The following ZNF136 variants were observed in gnomAD, a reference collection of about 807,000 sequenced individuals.
ZNF136 encodes the protein zinc finger protein 136 (clone pHZ-20).
A neutral mutation model predicts 11.4 loss-of-function variants in ZNF136; 8 were observed. That is an observed-to-expected ratio of 0.70 (90% confidence interval 0.41 to 1.27). The LOEUF is 1.27. Ranked by LOEUF, ZNF136 falls within the 50% of genes most tolerant of loss-of-function variation. ZNF136 has a pLI of 0.01. For synonymous variants in ZNF136, 190 were observed against 207.1 expected, an observed-to-expected ratio of 0.92 and a Z score of 0.71; for missense variants, 590 against 656.5, an observed-to-expected ratio of 0.90 and a Z score of 1.11.
Position 12,187,960 on chromosome 19 carries a change from G to A in ZNF136, c.1582G>A (p.Glu528Lys), listed in dbSNP as rs1915161924. The A allele has an allele frequency of 6.5e-7, 1 of 1,545,336 alleles. No individual in the cohort carries two copies. The highest frequency in any genetic ancestry group is 1.4e-5 in the African/African-American group (1 of 72,232). ...SFQRHMLTHA[E>K]DGPPYKCMWE... ...TCAGAGACACATGTTAACACATGCT[G>A]AAGATGGACCACCTTATAAATGCAT... The change falls in exon 4 of 4, where the codon GAA (glutamate) becomes AAA (lysine). Residue 528 changes from glutamate to lysine, a missense_variant. Glu to Lys is a moderately conservative substitution (Grantham distance 56, BLOSUM62 1). Transcript: ENST00000343979.
chr19:12,187,811 G>A lies in ZNF136; in HGVS notation c.1433G>A (p.Cys478Tyr). The A allele has an allele frequency of 1.9e-6, 3 of 1,607,378 alleles. No individual in the cohort carries two copies. The highest frequency in any genetic ancestry group is 2.5e-6 in the Non-Finnish European group (3 of 1,177,618). The part of the protein sequence containing the change: ...MIHTGEKPFE[C>Y]KRCGKAFRSS... The stretch of plus-strand genomic sequence containing the variant: ...CACACTGGTGAGAAACCCTTTGAAT[G>A]TAAGCGATGTGGTAAAGCCTTTAGA... The change falls in exon 4 of 4, where the codon TGT becomes TAT. Residue 478 changes from cysteine (C) to tyrosine (Y), a missense_variant. Coordinates refer to ENST00000343979, the MANE Select transcript of ZNF136 (RefSeq NM_003437.5).
intron 1 of ZNF136, among the ~76,000 whole-genome samples, chr19:12,167,309 A>G (rs1184518792): frequency 6.6e-6 from 1 of 152,260 alleles, no homozygotes; most frequent in East Asian, 1.9e-4. Context: ...AGAGTCATGA[A>G]GCCAAATCTT....
In ZNF136 at chr19:12,189,344, TTTCTTTC is replaced by T. The variant is rs1915197704; in HGVS notation, c.*1350_*1356del. 1 of 152,308 alleles carries T rather than the reference TTTCTTTC, an allele frequency of 6.6e-6. No homozygotes were observed. Among genetic ancestry groups the T allele is most frequent in the Non-Finnish European group, 1.5e-5 (1 of 68,058 alleles). The allele number at this position is 152,308 out of a possible 1,614,324, so 9.4% of individuals were successfully genotyped here. A position where few individuals can be genotyped will look rare whatever the true frequency, so the allele number is the denominator to read the frequency against. On this transcript the variant is annotated 3_prime_UTR_variant, in exon 4 of 4. Transcript: ENST00000343979. Reference sequence around the variant, plus strand: ...GCTCCTTTTTTTTCCTTTTTTCTTTTTTCTTTCTTCTTTTTTCTTTTTGAGACAGGGT... The same window carrying T: ...GCTCCTTTTTTTTCCTTTTTTCTTTTTTCTTTTTTCTTTTTGAGACAGGGT...
intron 1 of ZNF136, among the ~76,000 whole-genome samples, chr19:12,168,766 C>T (rs535335728): frequency 6.6e-6 from 1 of 152,140 alleles, no homozygotes; most frequent in South Asian, 2.1e-4. Context: ...ACCTCCACCT[C>T]CCGGGTTCAA....
chr19:12,181,856 C>T (rs189328343), intron 1 of ZNF136, among the ~76,000 whole-genome samples: 1,718 of 152,170 alleles, frequency 0.011, 14 homozygotes, highest in Middle Eastern at 0.017. Flanking sequence ...AGGATGGTTT[C>T]GATCTCCTGA....
chr19:12,180,383 T>G (rs780875806), intron 1 of ZNF136, among the ~76,000 whole-genome samples: 9 of 152,178 alleles, frequency 5.9e-5, no homozygotes, highest in Non-Finnish European at 1.0e-4. Context: ...GCACAAATGA[T>G]GCAGGCACTG....
intron 1 of ZNF136, 83 bp from the exon 2 acceptor site, chr19:12,185,702 G>A: frequency 6.5e-7 from 1 of 1,529,386 alleles, no homozygotes; most frequent in Non-Finnish European, 8.8e-7. Context: ...CCTGAAACAT[G>A]TGAACTTCTT....
intron 1 of ZNF136, among the ~76,000 whole-genome samples, chr19:12,182,792 G>A (rs1206073218): frequency 6.6e-6 from 1 of 152,082 alleles, no homozygotes; most frequent in Non-Finnish European, 1.5e-5. Flanking sequence ...AAGGGTCGGT[G>A]AGCAGCACTT....
chr19:12,169,911 C>T (rs1914601515), intron 1 of ZNF136, among the ~76,000 whole-genome samples: 1 of 152,144 alleles, frequency 6.6e-6, no homozygotes, highest in Non-Finnish European at 1.5e-5. Context: ...TCTCCTGCCT[C>T]AGCCTCCCAA....
At chr19:12,171,953 A>T (rs6511768) in intron 1 of ZNF136, among the ~76,000 whole-genome samples, 2,208 of 151,664 alleles carry the variant, frequency 0.015, 49 homozygotes, top group African/African-American at 0.051. Context: ...TTAAAATTTT[A>T]AAATTTTTTA....
At chr19:12,186,288 G>A (rs1915081209) in intron 3 of ZNF136, 114 bp downstream of exon 3, 1 of 1,169,714 alleles carries the variant, frequency 8.5e-7, no homozygotes, top group East Asian at 2.6e-5. Context: ...TTTATTTTTT[G>A]AATATTTTCC....
chr19:12,174,065 C>A (rs1320412671), intron 1 of ZNF136, among the ~76,000 whole-genome samples: 2 of 152,150 alleles, frequency 1.3e-5, no homozygotes, highest in Non-Finnish European at 2.9e-5. Flanking sequence ...ACTACCACAC[C>A]TGGCTACTTT....
intron 1 of ZNF136, among the ~76,000 whole-genome samples, chr19:12,180,788 G>C (rs190998452): frequency 1.3e-5 from 2 of 152,324 alleles, no homozygotes; most frequent in East Asian, 3.9e-4. Context: ...TTTTGCATTG[G>C]TTAAAAATTT....
chr19:12,171,146 A>AT (rs967828942), intron 1 of ZNF136, among the ~76,000 whole-genome samples: 73 of 151,186 alleles, frequency 4.8e-4, no homozygotes, highest in Non-Finnish European at 8.0e-4. Flanking sequence ...CACCCAGCTA[A>AT]TTTTTTTTAT....
intron 1 of ZNF136, among the ~76,000 whole-genome samples, chr19:12,164,467 C>T (rs562136053): frequency 8.5e-6 from 1 of 117,054 alleles, no homozygotes; most frequent in Admixed American, 9.8e-5. Flanking sequence ...TTTTTTGAGA[C>T]GGAGTCTCTC....
rs775484982 is a variant in ZNF136, at chr19:12,187,180, C to G, written c.802C>G (p.Gln268Glu). The G allele has an allele frequency of 6.2e-7, 1 of 1,613,804 alleles. No individual in the cohort carries two copies. The highest frequency in any genetic ancestry group is 2.2e-5 in the East Asian group (1 of 44,824). Reference protein sequence around the residue: ...GKPFHSLSSFQVHERIHTGEK... With the variant: ...GKPFHSLSSFEVHERIHTGEK... ...ACCCTTTCATTCTCTGAGTTCATTT[C>G]AAGTGCATGAAAGAATTCACACTGG... The change falls in exon 4 of 4, where the codon CAA becomes GAA. Residue 268 changes from glutamine to glutamate, a missense_variant. Gln to Glu is a conservative substitution (Grantham distance 29). Transcript: ENST00000343979.
intron 1 of ZNF136, among the ~76,000 whole-genome samples, chr19:12,183,553 ATCTATCTATCT>A (rs1568403122): frequency 6.2e-4 from 8 of 12,908 alleles, no homozygotes; most frequent in African/African-American, 2.1e-3. Flanking sequence ...AACTGAATCT[ATCTATCTATCT>A]ATCTATCTAT....
chr19:12,182,396 A>T (rs1389263387), intron 1 of ZNF136, among the ~76,000 whole-genome samples: 2 of 152,336 alleles, frequency 1.3e-5, no homozygotes, highest in East Asian at 3.9e-4. Context: ...TGCCCCAAGA[A>T]GCCCATAGCT....
chr19:12,174,695 G>A (rs1443090815), intron 1 of ZNF136, among the ~76,000 whole-genome samples: 1 of 151,510 alleles, frequency 6.6e-6, no homozygotes, highest in African/African-American at 2.4e-5. Context: ...GAGTGCAGTG[G>A]CACCATCTCG....
Sources: allele counts gnomAD v4.1 joint callset (sites outside exome capture counted in the v4.1 genomes callset), GRCh38; gene constraint gnomAD v4.1.1; transcripts MANE v1.5; gene names NCBI Gene and HGNC (gene_info 2026-07-23, HGNC 2026-07-21).